Variants in VPS13B observed in about 807,000 individuals in gnomAD.
VPS13B encodes the protein vacuolar protein sorting 13 homolog B, also known as intermembrane lipid transfer protein VPS13B.
A neutral mutation model predicts 426.4 loss-of-function variants in VPS13B; 285 were observed. The observed-to-expected ratio is 0.67, with a 90% confidence interval of 0.61 to 0.74. The LOEUF (loss-of-function observed/expected upper bound fraction) is 0.74, where lower values mean the gene tolerates loss of function less well. VPS13B is among the 30% of genes least tolerant of loss of function. The pLI is 0.00. For missense variants in VPS13B, 4,537 were observed against 4,782.6 expected, an observed-to-expected ratio of 0.95 and a Z score of 1.51; for synonymous variants, 1,676 against 1,676.4, an observed-to-expected ratio of 1.00 and a Z score of 0.01.
chr8:99,028,936 C>G (rs1842331748), intron 2 of VPS13B, among the ~76,000 whole-genome samples: 1 of 137,050 alleles, frequency 7.3e-6, no homozygotes, highest in Non-Finnish European at 1.6e-5. Context: ...TCCTCACTTC[C>G]CAGACGGGGT....
intron 29 of VPS13B, among the ~76,000 whole-genome samples, chr8:99,517,155 A>G (rs77787508): frequency 0.057 from 8,691 of 152,314 alleles, 320 homozygotes; most frequent in African/African-American, 0.098. Context: ...TTGAGACTTC[A>G]GATGTTTTAC....
chr8:99,114,159 T>TTTA (rs374933094), intron 6 of VPS13B, among the ~76,000 whole-genome samples: 1 of 150,800 alleles, frequency 6.6e-6, no homozygotes, highest in African/African-American at 2.5e-5. Flanking sequence ...TTTTTTTTTT[T>TTTA]AAGACCTGTG....
chr8:99,288,222 G>A (rs907970026), intron 19 of VPS13B, among the ~76,000 whole-genome samples: 3 of 151,802 alleles, frequency 2.0e-5, no homozygotes, highest in Admixed American at 6.6e-5. Context: ...ATATACATAT[G>A]AATATATGCA....
intron 3 of VPS13B, among the ~76,000 whole-genome samples, chr8:99,043,000 A>T (rs1843043487): frequency 6.6e-6 from 1 of 152,182 alleles, no homozygotes; most frequent in South Asian, 2.1e-4. Flanking sequence ...TCTAATTCTG[A>T]TGAAGGGCTT....
At chr8:99,571,029 T>G (rs1180769313) in intron 31 of VPS13B, among the ~76,000 whole-genome samples, 1 of 152,196 alleles carries the variant, frequency 6.6e-6, no homozygotes, top group Non-Finnish European at 1.5e-5. Flanking sequence ...TCTTATTCTT[T>G]CCTGTTTCTG....
At chr8:99,140,953 A>G (rs1485510785) in intron 12 of VPS13B, among the ~76,000 whole-genome samples, 1 of 152,148 alleles carries the variant, frequency 6.6e-6, no homozygotes, top group Admixed American at 6.5e-5. Context: ...TAATGTTGTA[A>G]TGACTACCTT....
chr8:99,634,966 C>A (rs951495220), intron 33 of VPS13B, among the ~76,000 whole-genome samples: 1 of 151,860 alleles, frequency 6.6e-6, no homozygotes, highest in African/African-American at 2.4e-5. Context: ...TAAATTAATA[C>A]AATTTTCTAT....
intron 2 of VPS13B, among the ~76,000 whole-genome samples, chr8:99,032,532 CTTTT>C (rs372714195): frequency 7.4e-6 from 1 of 135,642 alleles, no homozygotes; most frequent in Non-Finnish European, 1.6e-5. Flanking sequence ...TCTTTCTTTT[CTTTT>C]TTTTTTTTTT....
intron 29 of VPS13B, among the ~76,000 whole-genome samples, chr8:99,514,258 ATT>A (rs1231275259): frequency 1.3e-5 from 2 of 152,166 alleles, no homozygotes; most frequent in African/African-American, 4.8e-5. Context: ...TTCATTGTTA[ATT>A]TGGAAACCTT....
chr8:99,512,154 G>A (rs1343288968), intron 29 of VPS13B, among the ~76,000 whole-genome samples: 1 of 152,130 alleles, frequency 6.6e-6, no homozygotes, highest in Admixed American at 6.5e-5. Flanking sequence ...TACTTTTTAT[G>A]TCTAACTTTT....
chr8:99,344,121 A>G (rs564085123), intron 19 of VPS13B, among the ~76,000 whole-genome samples: 25 of 152,354 alleles, frequency 1.6e-4, no homozygotes, highest in Non-Finnish European at 2.4e-4. Context: ...ACATTGATCA[A>G]TGGAACAAGT....
At chr8:99,639,003 CA>C (rs1364821015) in intron 33 of VPS13B, among the ~76,000 whole-genome samples, 1 of 152,182 alleles carries the variant, frequency 6.6e-6, no homozygotes, top group African/African-American at 2.4e-5. Context: ...GTAAAAGAGA[CA>C]AACACATAAC....
In VPS13B at chr8:99,343,579, T is replaced by C. The variant is rs535574231; in HGVS notation, c.2825-40629T>C. Among the ~76,000 whole-genome samples, 4 of 152,360 alleles carry C rather than the reference T, an allele frequency of 2.6e-5. No homozygotes were observed. The East Asian group carries it at 7.7e-4, about 29-fold the overall frequency. ...ATTTGTCTATTTTTGTGGTTATTAT[T>C]GCCTGTGCTTTAAGTTGCAGAATAC... On this transcript the variant is annotated intron_variant, in intron 19 of 61. Coordinates refer to ENST00000357162, the MANE Select transcript of VPS13B (RefSeq NM_152564.5).
At chr8:99,222,564 G>A (rs994460398) in intron 17 of VPS13B, among the ~76,000 whole-genome samples, 8 of 152,258 alleles carry the variant, frequency 5.3e-5, no homozygotes, top group Middle Eastern at 3.4e-3. Context: ...TAAAAGAAAG[G>A]AATGAGTTAA....
At chr8:99,636,154 A>C (rs930805226) in intron 33 of VPS13B, among the ~76,000 whole-genome samples, 2 of 151,976 alleles carry the variant, frequency 1.3e-5, no homozygotes, top group Admixed American at 6.6e-5. Context: ...GTAGAATTCC[A>C]CTGATTTAAG....
rs566161617 is a variant in VPS13B, at chr8:99,156,009, C to G, written c.2014-540C>G. Among the ~76,000 whole-genome samples, 1,035 of 152,260 alleles carry G rather than the reference C, an allele frequency of 6.8e-3. 6 individuals carry two copies. Among genetic ancestry groups the G allele is most frequent in the Non-Finnish European group, 0.011 (757 of 68,010 alleles). The stretch of plus-strand genomic sequence containing the variant: ...TGTAAAACTGAGAATACTGTGCCGT[C>G]CTCAAGATTCTTAGGACTTTATGAG... On this transcript the variant is annotated intron_variant, in intron 14 of 61. Coordinates refer to ENST00000357162, the MANE Select transcript of VPS13B (RefSeq NM_152564.5).
intron 30 of VPS13B, among the ~76,000 whole-genome samples, chr8:99,533,429 T>G (rs1477715412): frequency 6.6e-6 from 1 of 152,188 alleles, no homozygotes. Context: ...TCATTTCTCT[T>G]GTTATGTATA....
At chr8:99,336,971 T>A (rs1268815856) in intron 19 of VPS13B, among the ~76,000 whole-genome samples, 4 of 152,172 alleles carry the variant, frequency 2.6e-5, no homozygotes, top group South Asian at 4.2e-4. Flanking sequence ...CTCAGGGATC[T>A]AGAACTAGAA....
At chr8:99,341,013 AC>A in intron 19 of VPS13B, 1 of 261,080 alleles carries the variant, frequency 3.8e-6, no homozygotes. Context: ...AGCTGAAGTC[AC>A]CTTTTTATAC....
Sources: gnomAD v4.1 joint callset for allele counts (sites outside exome capture counted in the v4.1 genomes callset) on GRCh38, gnomAD v4.1.1 for gene constraint, MANE v1.5 for transcripts, NCBI Gene and HGNC (gene_info 2026-07-23, HGNC 2026-07-21) for gene names.